Variants in NSMCE2 observed in about 807,000 individuals in gnomAD.
NSMCE2 encodes E3 SUMO-protein ligase NSE2.
Under a neutral mutation model 23.8 loss-of-function variants are expected in NSMCE2, and 24 were observed. The ratio of observed to expected loss-of-function variants is 1.01; its 90% CI spans 0.73 to 1.42. The LOEUF is 1.42. Ranked by LOEUF, NSMCE2 falls within the 40% of genes most tolerant of loss-of-function variation. The pLI, the probability that NSMCE2 is intolerant of heterozygous loss-of-function variation, is 0.00. For missense variants in NSMCE2, 284 were observed against 296.5 expected (o/e 0.96, Z 0.31); for synonymous variants, 92 against 94.1 (o/e 0.98, Z 0.13).
chr8:125,165,472 A>G (rs1444192395), intron 4 of NSMCE2, among the ~76,000 whole-genome samples: 1 of 152,232 alleles, frequency 6.6e-6, no homozygotes, highest in African/African-American at 2.4e-5. Context: ...CTGGATTATA[A>G]CTAGAAAATC....
intron 5 of NSMCE2, among the ~76,000 whole-genome samples, chr8:125,343,874 C>G (rs376316148): frequency 1.8e-4 from 28 of 152,114 alleles, no homozygotes; most frequent in African/African-American, 6.5e-4. Flanking sequence ...GACGTGGTGG[C>G]GGGCGCCTGT....
intron 5 of NSMCE2, among the ~76,000 whole-genome samples, chr8:125,198,355 A>G (rs1823719547): frequency 6.6e-6 from 1 of 152,174 alleles, no homozygotes; most frequent in African/African-American, 2.4e-5. Flanking sequence ...ATTTTGAGAT[A>G]TGTTGCATCG....
chr8:125,144,572 C>G (rs1194186334), intron 3 of NSMCE2, among the ~76,000 whole-genome samples: 1 of 152,196 alleles, frequency 6.6e-6, no homozygotes, highest in Non-Finnish European at 1.5e-5. Flanking sequence ...GCCTACATCT[C>G]TTAGTCACAA....
At chr8:125,177,329 C>G (rs1822548283) in intron 4 of NSMCE2, among the ~76,000 whole-genome samples, 1 of 152,100 alleles carries the variant, frequency 6.6e-6, no homozygotes, top group Non-Finnish European at 1.5e-5. Context: ...ATCCCGAGCT[C>G]AAAGTTTTTT....
chr8:125,166,987 G>A (rs77079254), intron 4 of NSMCE2, among the ~76,000 whole-genome samples: 3,283 of 152,034 alleles, frequency 0.022, 128 homozygotes, highest in African/African-American at 0.076. Flanking sequence ...TCCAGCCTGG[G>A]TGACAGAGTA....
intron 5 of NSMCE2, among the ~76,000 whole-genome samples, chr8:125,221,806 AG>A (rs1196864972): frequency 1.3e-5 from 2 of 152,188 alleles, no homozygotes; most frequent in Non-Finnish European, 2.9e-5. Flanking sequence ...GACTGCAACT[AG>A]GTGTGGAATT....
intron 5 of NSMCE2, among the ~76,000 whole-genome samples, chr8:125,224,381 C>T (rs1825004142): frequency 6.6e-6 from 1 of 152,070 alleles, no homozygotes; most frequent in Non-Finnish European, 1.5e-5. Context: ...TATTGCTCAG[C>T]CCAATGTCGT....
chr8:125,366,727 G>T (rs749121029), intron 7 of NSMCE2, 41 bp from the exon 8 acceptor site: 38 of 1,118,612 alleles, frequency 3.4e-5, no homozygotes, highest in Non-Finnish European at 4.7e-5. Context: ...TCTGCTTAAG[G>T]CAGTAAAGGG....
chr8:125,285,245 A>G (rs1158060082), intron 5 of NSMCE2, among the ~76,000 whole-genome samples: 1 of 152,190 alleles, frequency 6.6e-6, no homozygotes, highest in Non-Finnish European at 1.5e-5. Context: ...ATGGAGAGAA[A>G]GATTATACCA....
chr8:125,133,190 A>G (rs1038255707), intron 3 of NSMCE2, among the ~76,000 whole-genome samples: 4 of 152,246 alleles, frequency 2.6e-5, no homozygotes, highest in Non-Finnish European at 5.9e-5. Context: ...AGCTGAAATT[A>G]GAAGCAAATC....
chr8:125,284,004 A>G (rs975107149), intron 5 of NSMCE2, among the ~76,000 whole-genome samples: 4 of 152,062 alleles, frequency 2.6e-5, no homozygotes, highest in African/African-American at 4.8e-5. Flanking sequence ...ATACAAAAAA[A>G]TTAGCTGGGC....
intron 5 of NSMCE2, chr8:125,182,670 T>G (rs936899999): frequency 4.6e-6 from 1 of 217,770 alleles, no homozygotes; most frequent in Non-Finnish European, 8.9e-6. Flanking sequence ...TAGCTATGTT[T>G]TCTCTCAGAA....
chr8:125,296,228 A>G (rs1828319469), intron 5 of NSMCE2, among the ~76,000 whole-genome samples: 1 of 152,062 alleles, frequency 6.6e-6, no homozygotes, highest in Non-Finnish European at 1.5e-5. Flanking sequence ...TGCAGTTTGC[A>G]CCCTTAACTC....
intron 3 of NSMCE2, among the ~76,000 whole-genome samples, chr8:125,121,396 G>A (rs1180671747): frequency 6.6e-6 from 1 of 152,168 alleles, no homozygotes; most frequent in Non-Finnish European, 1.5e-5. Context: ...GAGGTTGGTT[G>A]ATTGCCACTG....
At chr8:125,299,637 A>T (rs756529644) in intron 5 of NSMCE2, among the ~76,000 whole-genome samples, 2 of 152,168 alleles carry the variant, frequency 1.3e-5, no homozygotes, top group Non-Finnish European at 2.9e-5. Flanking sequence ...AAGCCAAACC[A>T]TATTAAGCAC....
At chr8:125,283,359 T>TCAA (rs1348918886) in intron 5 of NSMCE2, among the ~76,000 whole-genome samples, 1 of 152,006 alleles carries the variant, frequency 6.6e-6, no homozygotes, top group African/African-American at 2.4e-5. Flanking sequence ...ACCACCATGG[T>TCAA]CAACATGACG....
At chr8:125,194,550 T>C (rs1823516530) in intron 5 of NSMCE2, among the ~76,000 whole-genome samples, 1 of 152,210 alleles carries the variant, frequency 6.6e-6, no homozygotes, top group South Asian at 2.1e-4. Context: ...ATAAAACTGC[T>C]AGGATTCATG....
chr8:125,127,364 G>T (rs1268132815), intron 3 of NSMCE2, among the ~76,000 whole-genome samples: 6 of 152,030 alleles, frequency 3.9e-5, no homozygotes, highest in African/African-American at 1.5e-4. Context: ...TTTCTGTGTG[G>T]GGGGAGATTG....
intron 5 of NSMCE2, among the ~76,000 whole-genome samples, chr8:125,223,072 T>C (rs988632958): frequency 4.0e-4 from 56 of 141,646 alleles, no homozygotes; most frequent in African/African-American, 1.4e-3. Context: ...AAAAATAAAA[T>C]AAAATAAAAT....
Sources: gnomAD v4.1 joint callset for allele counts (sites outside exome capture counted in the v4.1 genomes callset) on GRCh38, gnomAD v4.1.1 for gene constraint, MANE v1.5 for transcripts, NCBI Gene and HGNC (gene_info 2026-07-23, HGNC 2026-07-21) for gene names.